ACKR1: variants seen among roughly 807,000 people sequenced by gnomAD.
ACKR1 encodes atypical chemokine receptor 1 (Duffy blood group), also known as atypical chemokine receptor 1.
A neutral mutation model predicts 2.5 loss-of-function variants in ACKR1; 3 were observed. The observed-to-expected ratio is 1.18, with a 90% CI of 0.54 to 3.06. The LOEUF (loss-of-function observed/expected upper bound fraction) is 3.06. Among genes scored for constraint, ACKR1 ranks in the 30% most tolerant of loss-of-function variants. ACKR1 has a pLI of 0.03. For missense variants in ACKR1, 438 were observed against 395.2 expected (o/e 1.11, Z -0.92); for synonymous variants, 208 against 178.2 (o/e 1.17, Z -1.33).
Position 159,205,695 on chromosome 1 carries a change from C to A in ACKR1, c.256C>A (p.Pro86Thr), listed in dbSNP as rs758920677. The A allele has an allele frequency of 1.2e-6, 2 of 1,614,230 alleles. No homozygotes were observed. The highest frequency in any genetic ancestry group is 1.7e-6 in the Non-Finnish European group (2 of 1,180,054). Residue 86 changes from proline to threonine, a missense_variant, in exon 2 of 2, where the codon CCT becomes ACT. Coordinates refer to ENST00000368122, the MANE Select transcript of ACKR1 (RefSeq NM_002036.4). ...SSTVLFMLFR[P>T]LFRWQLCPGW... ...CACTGTCCTCTTCATGCTTTTCAGA[C>A]CTCTCTTCCGCTGGCAGCTCTGCCC...
At chr1:159,205,225 G>C in intron 1 of ACKR1, 1 of 678,522 alleles carries the variant, frequency 1.5e-6, no homozygotes, top group Non-Finnish European at 2.5e-6. Flanking sequence ...TTTTCCTTCT[G>C]ACCTTGCACT....
In ACKR1 at chr1:159,205,886, C is replaced by T; in HGVS notation, c.447C>T (p.Cys149=). The change falls in exon 2 of 2, where the codon TGC becomes TGT. Residue 149 remains cysteine (C), a synonymous_variant. Transcript: ENST00000368122. ...TTGCCCAGGCTTTGCTGCTAGGGTG[C>T]CATGCCTCCCTGGGCCACAGACTGG... The part of the protein sequence containing the change: ...SAFAQALLLG[C]HASLGHRLGA... 1.2e-6 allele frequency: 2 copies of T among 1,614,012 alleles called. No homozygotes were observed. The highest frequency in any genetic ancestry group is 1.1e-5 in the South Asian group (1 of 91,076).
rs778361850 is a variant in ACKR1 at position 159,205,937 on chromosome 1, C to T, written c.498C>T (p.Thr166=). The stretch of plus-strand genomic sequence containing the variant: ...GTGCAGGCCAGGTCCCAGGCCTCAC[C>T]CTGGGGCTCACTGTGGGAATTTGGG... The part of the protein sequence containing the change: ...RLGAGQVPGL[T]LGLTVGIWGV... The change falls in exon 2 of 2, where the codon ACC becomes ACT. Residue 166 remains threonine, a synonymous_variant. Transcript: ENST00000368122. 2.8e-5 allele frequency: 45 copies of T among 1,613,938 alleles called. No homozygotes were observed. The highest frequency in any genetic ancestry group is 8.3e-5 in the Admixed American group (5 of 60,006).
chr1:159,205,481 T>A lies in ACKR1; in HGVS notation c.42T>A (p.Thr14=). Residue 14 remains threonine, a synonymous_variant, in exon 2 of 2, where the codon ACT becomes ACA. Transcript: ENST00000368122. The stretch of plus-strand genomic sequence containing the variant: ...TCCAGGCGGAGCTCTCCCCCTCAAC[T>A]GAGAACTCAAGTCAGCTGGACTTCG... ...CLHRAELSPS[T]ENSSQLDFED... 1 of 1,612,430 alleles carries A rather than the reference T, an allele frequency of 6.2e-7. No individual in the cohort carries two copies. The highest frequency in any genetic ancestry group is 8.5e-7 in the Non-Finnish European group (1 of 1,178,952).
In ACKR1 at chr1:159,205,806, A is replaced by T; in HGVS notation, c.367A>T (p.Thr123Ser). 2 of 1,614,008 alleles carry T rather than the reference A, an allele frequency of 1.2e-6. No individual in the cohort carries two copies. The highest frequency in any genetic ancestry group is 1.7e-6 in the Non-Finnish European group (2 of 1,179,980). ...CGTCTTGGCCCCAGGGCTAGGTAGC[A>T]CTCGCAGCTCTGCCCTGTGTAGCCT... ...VPVLAPGLGS[T>S]RSSALCSLGY... Residue 123 changes from threonine to serine, a missense_variant, in exon 2 of 2, where the codon ACT (threonine) becomes TCT (serine). Thr to Ser is a moderately conservative substitution (Grantham distance 58). Coordinates refer to ENST00000368122, the MANE Select transcript of ACKR1 (RefSeq NM_002036.4).
rs373611432 is a variant in ACKR1, at chr1:159,204,959, C to T, written c.-1C>T. 16 of 1,614,070 alleles carry T rather than the reference C, an allele frequency of 9.9e-6. No individual in the cohort carries two copies. In the African/African-American group the frequency reaches 1.7e-4, roughly 17 times the overall value. On this transcript the variant is annotated 5_prime_UTR_variant, in exon 1 of 2. Coordinates refer to ENST00000368122, the MANE Select transcript of ACKR1 (RefSeq NM_002036.4). ...TCTGCGGGCCTGAACCAAACGGTGC[C>T]ATGGGGAACTGTCTGCACAGGGTGA...
Position 159,206,078 on chromosome 1 carries a change from C to T in ACKR1, c.639C>T (p.Ala213=). The T allele has an allele frequency of 6.2e-7, 1 of 1,614,254 alleles. No individual in the cohort carries two copies. The change falls in exon 2 of 2, where the codon GCC becomes GCT. Residue 213 remains alanine, a synonymous_variant. Transcript: ENST00000368122. ...LKALQATHTV[A]CLAIFVLLPL... ...CTTTGCAGGCCACACACACTGTAGC[C>T]TGTCTTGCCATCTTTGTCTTGTTGC...
Position 159,205,699 on chromosome 1 carries a change from T to G in ACKR1, c.260T>G (p.Leu87Arg). ...GTCCTCTTCATGCTTTTCAGACCTC[T>G]CTTCCGCTGGCAGCTCTGCCCTGGC... is the stretch of plus-strand genomic sequence containing the variant. Reference protein sequence around the residue: ...STVLFMLFRPLFRWQLCPGWP... With the variant: ...STVLFMLFRPRFRWQLCPGWP... The change falls in exon 2 of 2, where the codon CTC becomes CGC. Residue 87 changes from leucine (L) to arginine (R), a missense_variant. Transcript: ENST00000368122. The G allele has an allele frequency of 6.2e-7, 1 of 1,614,194 alleles. No individual in the cohort carries two copies. Among genetic ancestry groups the G allele is most frequent in the Non-Finnish European group, 8.5e-7 (1 of 1,180,038 alleles).
chr1:159,205,270 G>A, intron 1 of ACKR1, 191 bp from the exon 2 acceptor site: 1 of 762,848 alleles, frequency 1.3e-6, no homozygotes, highest in Middle Eastern at 2.9e-4. Context: ...GCTTCCCCAG[G>A]ACTGTTCCTG....
chr1:159,205,196 A>G lies in ACKR1; in HGVS notation c.21+216A>G, dbSNP rs534698742. Reference sequence around the variant, plus strand: ...CTCCCTTTGCCTTTGAGTCAGTTCCATCCTGGTCTCTTGGTGCCTTTTCCT... The same window carrying G: ...CTCCCTTTGCCTTTGAGTCAGTTCCGTCCTGGTCTCTTGGTGCCTTTTCCT... On this transcript the variant is annotated intron_variant, in intron 1 of 1. Transcript: ENST00000368122. 2.0e-4 allele frequency: 127 copies of G among 640,160 alleles called. No individual in the cohort carries two copies. In the Admixed American group the frequency reaches 3.1e-3, roughly 15 times the overall value. The allele number at this position is 640,160 out of a possible 1,614,324, so 39.7% of individuals were successfully genotyped here. A position where few individuals can be genotyped will look rare whatever the true frequency, so the allele number is the denominator to read the frequency against.
Position 159,205,565 on chromosome 1 carries a change from T to C in ACKR1, c.126T>C (p.Gly42=). 1 of 1,614,246 alleles carries C rather than the reference T, an allele frequency of 6.2e-7. No individual in the cohort carries two copies. The highest frequency in any genetic ancestry group is 1.3e-5 in the African/African-American group (1 of 75,068). ...ATTCCTTCCCAGATGGAGACTATGG[T>C]GCCAACCTGGAAGCAGCTGCCCCCT... ...VNDSFPDGDY[G]ANLEAAAPCH... The change falls in exon 2 of 2, where the codon GGT becomes GGC. Residue 42 remains glycine (G), a synonymous_variant. Coordinates refer to ENST00000368122, the MANE Select transcript of ACKR1 (RefSeq NM_002036.4).
In ACKR1 at chr1:159,206,029, T is replaced by C. The variant is rs765472017; in HGVS notation, c.590T>C (p.Leu197Pro). 1.2e-5 allele frequency: 20 copies of C among 1,614,108 alleles called. No individual in the cohort carries two copies. Among genetic ancestry groups the C allele is most frequent in the Non-Finnish European group, 1.7e-5 (20 of 1,180,022 alleles). Reference sequence around the variant, plus strand: ...GGTGCTTCTGGTGGACTCTGCACCCTGATATACAGCACGGAGCTGAAGGCT... The same window carrying C: ...GGTGCTTCTGGTGGACTCTGCACCCCGATATACAGCACGGAGCTGAAGGCT... ...ASGASGGLCTLIYSTELKALQ... is the reference protein window; with the variant it reads ...ASGASGGLCTPIYSTELKALQ... Residue 197 changes from leucine (L) to proline (P), a missense_variant, in exon 2 of 2, where the codon CTG (leucine) becomes CCG (proline). By Grantham distance (98) the Leu-to-Pro change is moderately conservative. Coordinates refer to ENST00000368122, the MANE Select transcript of ACKR1 (RefSeq NM_002036.4).
Position 159,204,965 on chromosome 1 carries a change from G to C in ACKR1, c.6G>C (p.Gly2=), listed in dbSNP as rs778295334. The C allele has an allele frequency of 6.2e-7, 1 of 1,614,146 alleles. No individual in the cohort carries two copies. Among genetic ancestry groups the C allele is most frequent in the Non-Finnish European group, 8.5e-7 (1 of 1,180,022 alleles). Residue 2 remains glycine (G), a synonymous_variant, in exon 1 of 2, where the codon GGG becomes GGC. Coordinates refer to ENST00000368122, the MANE Select transcript of ACKR1 (RefSeq NM_002036.4). ...GGCCTGAACCAAACGGTGCCATGGG[G>C]AACTGTCTGCACAGGGTGAGTATGG... M[G]NCLHRAELSP... is the part of the protein sequence containing the mutation.
chr1:159,206,204 T>C lies in ACKR1; in HGVS notation c.765T>C (p.Pro255=), dbSNP rs1650445966. 5 of 1,614,238 alleles carry C rather than the reference T, an allele frequency of 3.1e-6. No individual in the cohort carries two copies. Among genetic ancestry groups the C allele is most frequent in the Non-Finnish European group, 4.2e-6 (5 of 1,180,036 alleles). The change falls in exon 2 of 2, where the codon CCT becomes CCC. Residue 255 remains proline (P), a synonymous_variant. Coordinates refer to ENST00000368122, the MANE Select transcript of ACKR1 (RefSeq NM_002036.4). ...GGGCCTGGTTTATTTTCTGGTGGCCTCATGGGGTGGTTCTAGGACTGGATT... is the reference window on the plus strand; with the variant it reads ...GGGCCTGGTTTATTTTCTGGTGGCCCCATGGGGTGGTTCTAGGACTGGATT... The part of the protein sequence containing the change: ...ILWAWFIFWW[P]HGVVLGLDFL...
intron 1 of ACKR1, 187 bp from the exon 2 acceptor site, chr1:159,205,274 G>A: frequency 1.3e-6 from 1 of 784,344 alleles, no homozygotes; most frequent in Admixed American, 2.9e-5. Flanking sequence ...CCCCAGGACT[G>A]TTCCTGCTCC....
intron 1 of ACKR1, 32 bp from the exon 2 acceptor site, chr1:159,205,429 C>A: frequency 6.3e-7 from 1 of 1,583,472 alleles, no homozygotes. Flanking sequence ...TCCGGTGTAA[C>A]TCTGATGGCC....
Position 159,205,544 on chromosome 1 carries a change from C to T in ACKR1, c.105C>T (p.Ser35=). The T allele has an allele frequency of 6.2e-7, 1 of 1,614,238 alleles. No individual in the cohort carries two copies. Among genetic ancestry groups the T allele is most frequent in the South Asian group, 1.1e-5 (1 of 91,084 alleles). The change falls in exon 2 of 2, where the codon TCC becomes TCT. Residue 35 remains serine (S), a synonymous_variant. Coordinates refer to ENST00000368122, the MANE Select transcript of ACKR1 (RefSeq NM_002036.4). ...VWNSSYGVND[S]FPDGDYGANL... is the part of the protein sequence containing the mutation. ...ATTCTTCCTATGGTGTGAATGATTCCTTCCCAGATGGAGACTATGGTGCCA... is the reference window on the plus strand; with the variant it reads ...ATTCTTCCTATGGTGTGAATGATTCTTTCCCAGATGGAGACTATGGTGCCA...
intron 1 of ACKR1, 97 bp from the exon 2 acceptor site, chr1:159,205,364 C>T (rs1376434470): frequency 1.2e-5 from 17 of 1,468,416 alleles, no homozygotes; most frequent in Admixed American, 4.1e-5. Flanking sequence ...TTCTCCCACC[C>T]GACCTTCCTC....
chr1:159,205,216 T>A (rs943430904), intron 1 of ACKR1: 7 of 536,174 alleles, frequency 1.3e-5, no homozygotes, highest in Non-Finnish European at 1.7e-5. Flanking sequence ...CTTGGTGCCT[T>A]TTCCTTCTGA....
Sources: allele counts gnomAD v4.1 joint callset, GRCh38; gene constraint gnomAD v4.1.1; transcripts MANE v1.5; gene names NCBI Gene and HGNC (gene_info 2026-07-23, HGNC 2026-07-21).